ADAMTS6: variants seen among roughly 807,000 people sequenced by gnomAD.
ADAMTS6 encodes the protein ADAM metallopeptidase with thrombospondin type 1 motif 6.
ADAMTS6 carries 23 observed loss-of-function variants against 144.3 expected under a neutral mutation model. That is an observed-to-expected ratio of 0.16 (90% CI 0.11 to 0.23). The LOEUF (loss-of-function observed/expected upper bound fraction) is 0.23. Among genes scored for constraint, ADAMTS6 ranks in the 10% least tolerant of loss-of-function variants. ADAMTS6 has a pLI of 1.00. For synonymous variants in ADAMTS6, 444 were observed against 457.5 expected (o/e 0.97, Z 0.38); for missense variants, 999 against 1,379.6 (o/e 0.72, Z 4.37).
intron 7 of ADAMTS6, among the ~76,000 whole-genome samples, chr5:65,418,026 A>T (rs1755685400): frequency 6.6e-6 from 1 of 152,206 alleles, no homozygotes; most frequent in African/African-American, 2.4e-5. Context: ...AGAAACACCT[A>T]GATCAATGGA....
chr5:65,327,390 A>G (rs1746274880), intron 9 of ADAMTS6, among the ~76,000 whole-genome samples: 1 of 152,158 alleles, frequency 6.6e-6, no homozygotes, highest in Non-Finnish European at 1.5e-5. Context: ...GAAGGGGGAT[A>G]GAAACATGGT....
intron 9 of ADAMTS6, among the ~76,000 whole-genome samples, chr5:65,326,125 T>A (rs749073057): frequency 3.3e-5 from 5 of 152,150 alleles, no homozygotes; most frequent in Non-Finnish European, 1.5e-5. Flanking sequence ...AGACCCCTTG[T>A]TAAGATTATT....
intron 11 of ADAMTS6, among the ~76,000 whole-genome samples, chr5:65,277,540 A>T: frequency 6.6e-6 from 1 of 151,714 alleles, no homozygotes; most frequent in Non-Finnish European, 1.5e-5. Context: ...TACAGGTGTT[A>T]GCCACCATAC....
intron 20 of ADAMTS6, among the ~76,000 whole-genome samples, chr5:65,211,285 G>C (rs889476107): frequency 3.9e-5 from 6 of 152,260 alleles, no homozygotes; most frequent in South Asian, 2.1e-4. Context: ...CTATATCCTA[G>C]GAAATATTTT....
intron 18 of ADAMTS6, among the ~76,000 whole-genome samples, chr5:65,222,392 C>A (rs183700975): frequency 3.9e-5 from 6 of 152,194 alleles, no homozygotes; most frequent in Admixed American, 3.9e-4. Context: ...AGTGTTAGAG[C>A]AATTGAATAT....
chr5:65,262,836 T>C lies in ADAMTS6; in HGVS notation c.1747A>G (p.Arg583Gly). The C allele has an allele frequency of 6.4e-7, 1 of 1,559,488 alleles. No individual in the cohort carries two copies. Among genetic ancestry groups the C allele is most frequent in the Admixed American group, 2.0e-5 (1 of 50,062 alleles). ...ACTTACGCTGGACTGTCACAGTGTC[T>C]TAGGGATGAGGAGACGCCTCCCCCG... ...TCGGGVSSSL[R>G]HCDSPAPSGG... The change falls in exon 13 of 25, where the codon AGA becomes GGA. Residue 583 changes from arginine (R) to glycine (G), a missense_variant. Transcript: ENST00000381055.
intron 4 of ADAMTS6, among the ~76,000 whole-genome samples, chr5:65,459,903 C>T (rs1759516711): frequency 1.3e-5 from 2 of 152,202 alleles, no homozygotes; most frequent in South Asian, 4.2e-4. Context: ...TAGCTATTAC[C>T]TAAGTAAAAT....
chr5:65,369,646 T>G (rs1750653773), intron 7 of ADAMTS6, among the ~76,000 whole-genome samples: 1 of 152,176 alleles, frequency 6.6e-6, no homozygotes, highest in Non-Finnish European at 1.5e-5. Context: ...AGCACTCATA[T>G]AGCCTTATGA....
At chr5:65,339,184 A>T (rs1747590475) in intron 7 of ADAMTS6, among the ~76,000 whole-genome samples, 1 of 152,220 alleles carries the variant, frequency 6.6e-6, no homozygotes, top group East Asian at 1.9e-4. Context: ...CGGCAAAGCT[A>T]TGCCACCATC....
chr5:65,332,356 G>A (rs1451482656), intron 8 of ADAMTS6, among the ~76,000 whole-genome samples: 1 of 149,952 alleles, frequency 6.7e-6, no homozygotes, highest in African/African-American at 2.4e-5. Flanking sequence ...ATGTGCAAAT[G>A]TGTGTATGTG....
At chr5:65,259,078 C>T (rs934577892) in intron 14 of ADAMTS6, among the ~76,000 whole-genome samples, 8 of 152,078 alleles carry the variant, frequency 5.3e-5, no homozygotes, top group Middle Eastern at 3.4e-3. Flanking sequence ...AGGAGCTGGC[C>T]GGGCATGATG....
chr5:65,460,359 G>C lies in ADAMTS6; in HGVS notation c.463-21C>G, dbSNP rs77007126. ...CCATGCTAAAAGAAAAATAAACAAA[G>C]AACTTACCAAAGAGAATCATTTTAA... On this transcript the variant is annotated intron_variant, in intron 3 of 24. Coordinates refer to ENST00000381055, the MANE Select transcript of ADAMTS6 (RefSeq NM_197941.4). The C allele has an allele frequency of 1.1e-4, 171 of 1,560,664 alleles. No individual in the cohort carries two copies. In the African/African-American group the frequency reaches 2.0e-3, roughly 18 times the overall value.
chr5:65,325,573 A>G (rs7725575), intron 9 of ADAMTS6, among the ~76,000 whole-genome samples: 90,011 of 151,026 alleles, frequency 0.6, 28,877 homozygotes, highest in African/African-American at 0.85. Flanking sequence ...ATGGTTCACT[A>G]CAGCCTTGAT....
chr5:65,436,930 G>A (rs756313617), intron 7 of ADAMTS6, among the ~76,000 whole-genome samples: 9 of 152,038 alleles, frequency 5.9e-5, no homozygotes, highest in Non-Finnish European at 1.2e-4. Context: ...CAATTTTCAC[G>A]CTGCTGATAC....
At position 65,170,863 on chromosome 5, in the gene ADAMTS6, A is replaced by G; in HGVS notation, c.3088-90T>C. ...ACTATGTCATTTCAAATACAACACA[A>G]TATGAACTTTTTTTTTTTTCTTTTG... is the stretch of plus-strand genomic sequence containing the variant. On this transcript the variant is annotated intron_variant, in intron 23 of 24. Coordinates refer to ENST00000381055, the MANE Select transcript of ADAMTS6 (RefSeq NM_197941.4). 4 of 1,390,904 alleles carry G rather than the reference A, an allele frequency of 2.9e-6. 1 individual carries two copies. Among genetic ancestry groups the G allele is most frequent in the Non-Finnish European group, 3.9e-6 (4 of 1,025,936 alleles). The allele number at this position is 1,390,904 out of a possible 1,614,324, so 86.2% of individuals were successfully genotyped here.
chr5:65,339,080 C>T (rs557398318), intron 7 of ADAMTS6, among the ~76,000 whole-genome samples: 7 of 152,270 alleles, frequency 4.6e-5, no homozygotes, highest in African/African-American at 1.7e-4. Context: ...AGTAATAGCA[C>T]GATGGCCCTA....
intron 15 of ADAMTS6, among the ~76,000 whole-genome samples, chr5:65,229,105 T>G (rs1757943186): frequency 1.3e-5 from 2 of 152,176 alleles, no homozygotes; most frequent in South Asian, 4.1e-4. Context: ...TTTGCAGGAT[T>G]GGGAGAAGTC....
intron 7 of ADAMTS6, among the ~76,000 whole-genome samples, chr5:65,372,227 T>C (rs1252117986): frequency 6.2e-5 from 9 of 145,450 alleles, no homozygotes; most frequent in African/African-American, 2.2e-4. Context: ...GCTAACATCA[T>C]AATGACAAGA....
chr5:65,257,485 A>G (rs1760786164), intron 14 of ADAMTS6, among the ~76,000 whole-genome samples: 1 of 151,286 alleles, frequency 6.6e-6, no homozygotes, highest in African/African-American at 2.4e-5. Context: ...CCCTCTTTGG[A>G]CTCCACTGTT....
Sources: gnomAD v4.1 joint callset for allele counts (sites outside exome capture counted in the v4.1 genomes callset) on GRCh38, gnomAD v4.1.1 for gene constraint, MANE v1.5 for transcripts, NCBI Gene and HGNC (gene_info 2026-07-23, HGNC 2026-07-21) for gene names.